SPTAN1: variants seen among roughly 807,000 people sequenced by gnomAD.
SPTAN1 encodes spectrin alpha, non-erythrocytic 1.
A neutral mutation model predicts 331.3 loss-of-function variants in SPTAN1; 61 were observed. The observed-to-expected ratio is 0.18, with a 90% confidence interval of 0.15 to 0.23. The LOEUF (loss-of-function observed/expected upper bound fraction) is 0.23, where lower values mean the gene tolerates loss of function less well. Among genes scored for constraint, SPTAN1 ranks in the 10% least tolerant of loss-of-function variants. The pLI, the probability that SPTAN1 is intolerant of heterozygous loss-of-function variation, is 1.00. For synonymous variants in SPTAN1, 1,153 were observed against 1,173.9 expected (o/e 0.98, Z 0.36); for missense variants, 2,043 against 3,147.9 (o/e 0.65, Z 8.40).
Position 128,633,333 on chromosome 9 carries a change from G to A in SPTAN1, c.7433G>A (p.Ter2478=). ...TTCACCCGCTCGCTTTTCGTGAACTGAGCCACTCCCTGGGTCACCCACCCC... is the reference window on the plus strand; with the variant it reads ...TTCACCCGCTCGCTTTTCGTGAACTAAGCCACTCCCTGGGTCACCCACCCC... ...VEFTRSLFVN[*] is the part of the protein sequence containing the mutation. The change falls in exon 57 of 57, where the codon TGA becomes TAA. Residue 2478 remains the stop codon, a stop_retained_variant. Coordinates refer to ENST00000372739, the MANE Select transcript of SPTAN1 (RefSeq NM_001130438.3). 2 of 1,613,788 alleles carry A rather than the reference G, an allele frequency of 1.2e-6. No homozygotes were observed. Among genetic ancestry groups the A allele is most frequent in the Non-Finnish European group, 1.7e-6 (2 of 1,180,024 alleles).
rs1853033407 is a variant in SPTAN1, at chr9:128,588,793, TC to T, written c.2872-14del. 6.2e-7 allele frequency: 1 copy of T among 1,613,892 alleles called. No individual in the cohort carries two copies. The highest frequency in any genetic ancestry group is 1.3e-5 in the African/African-American group (1 of 75,040). ...GACGTGTTTTTACCATGTTTGCCCTTCCTTTGGATTTTTAGCAACAAGTGGC... is the reference window on the plus strand; with the variant it reads ...GACGTGTTTTTACCATGTTTGCCCTTCTTTGGATTTTTAGCAACAAGTGGC... On this transcript the variant is annotated splice_polypyrimidine_tract_variant and intron_variant, in intron 20 of 56. Transcript: ENST00000372739.
At chr9:128,558,054 C>T (rs1030662601) in intron 1 of SPTAN1, among the ~76,000 whole-genome samples, 1 of 152,206 alleles carries the variant, frequency 6.6e-6, no homozygotes, top group Non-Finnish European at 1.5e-5. Context: ...CCATCTGCCT[C>T]AGCCTCCCAA....
intron 45 of SPTAN1, among the ~76,000 whole-genome samples, 174 bp from the exon 46 acceptor site, chr9:128,624,154 A>G (rs964320978): frequency 1.4e-4 from 21 of 150,720 alleles, no homozygotes; most frequent in African/African-American, 5.1e-4. Context: ...TATTTGTGTG[A>G]AGCCTTTGAC....
chr9:128,567,087 A>G (rs1413292596), intron 2 of SPTAN1, 110 bp downstream of exon 2: 4 of 1,473,262 alleles, frequency 2.7e-6, no homozygotes, highest in Non-Finnish European at 2.8e-6. Context: ...ATTGGACAAG[A>G]AGAATATAAT....
In SPTAN1 at chr9:128,625,025, GT is replaced by G; in HGVS notation, c.5993-77del. 6 of 1,398,924 alleles carry G rather than the reference GT, an allele frequency of 4.3e-6. No individual in the cohort carries two copies. Among genetic ancestry groups the G allele is most frequent in the Non-Finnish European group, 6.1e-6 (6 of 985,240 alleles). 86.7% of individuals were successfully genotyped at this position (1,398,924 alleles called of 1,614,324 possible). A position where few individuals can be genotyped will look rare whatever the true frequency, so the allele number is the denominator to read the frequency against. The stretch of plus-strand genomic sequence containing the variant: ...TTTATCTGTACACAAAAAATGGTTT[GT>G]CTGGGTTTTGATGTTTTTCCTTTCT... On this transcript the variant is annotated intron_variant, in intron 46 of 56. Transcript: ENST00000372739. The surrounding 1 kb of genome is among the most constrained non-coding windows in gnomAD (Gnocchi z 4.1).
rs1589187913 is a variant in SPTAN1, at chr9:128,577,014, G to A, written c.785+58G>A. The A allele has an allele frequency of 2.5e-6, 4 of 1,614,008 alleles. No individual in the cohort carries two copies. The highest frequency in any genetic ancestry group is 2.7e-5 in the African/African-American group (2 of 75,054). On this transcript the variant is annotated intron_variant, in intron 6 of 56. Transcript: ENST00000372739. This position sits in a 1 kb window ranked among gnomAD's most constrained non-coding sequence, Gnocchi z 4.2. ...TCTCAACCTGGAGGGGAGTTGTGAA[G>A]CACAGGGCATGTGCTGGTGAGCTGT...
At chr9:128,553,605 T>C (rs908043679) in intron 1 of SPTAN1, among the ~76,000 whole-genome samples, 21 of 152,246 alleles carry the variant, frequency 1.4e-4, no homozygotes, top group African/African-American at 4.8e-4. Flanking sequence ...GAGTAAAATA[T>C]ATTTTAAATA....
rs1851527821 is a variant in SPTAN1 at position 128,578,227 on chromosome 9, T to C, written c.1203T>C (p.Asp401=). The change falls in exon 9 of 57, where the codon GAT becomes GAC. Residue 401 remains aspartate (D), a synonymous_variant. Coordinates refer to ENST00000372739, the MANE Select transcript of SPTAN1 (RefSeq NM_001130438.3). ...TGGCTGGGGCTGAAGCCCTGCTAGA[T>C]AGACACCAAGAGCACAAGGTAATGG... ...SDVAGAEALL[D]RHQEHKGEID... 6.2e-7 allele frequency: 1 copy of C among 1,614,026 alleles called. No homozygotes were observed. The highest frequency in any genetic ancestry group is 8.5e-7 in the Non-Finnish European group (1 of 1,180,022).
chr9:128,576,350 CAT>C (rs1350775923), intron 5 of SPTAN1, among the ~76,000 whole-genome samples: 2 of 152,200 alleles, frequency 1.3e-5, no homozygotes, highest in East Asian at 3.9e-4. Context: ...GCCTGGGTAA[CAT>C]AGCAAGACCC....
intron 23 of SPTAN1, chr9:128,593,962 G>A: frequency 1.7e-6 from 1 of 593,490 alleles, no homozygotes; most frequent in Non-Finnish European, 3.1e-6. Context: ...CCACCTGGTT[G>A]TGAACAGTAC....
At chr9:128,572,888 T>TCAGTGGTGGGGTCACAGTTTTGCCAA (rs1850896493) in intron 3 of SPTAN1, among the ~76,000 whole-genome samples, 1 of 152,168 alleles carries the variant, frequency 6.6e-6, no homozygotes, top group Admixed American at 6.5e-5. Context: ...CACTTCTTTC[T>TCAGTGGTGGGGTCACAGTTTTGCCAA]CAGTGGTGGG....
chr9:128,566,222 A>AT (rs1850018944), intron 1 of SPTAN1, among the ~76,000 whole-genome samples: 1 of 151,884 alleles, frequency 6.6e-6, no homozygotes, highest in Non-Finnish European at 1.5e-5. Flanking sequence ...ATGCCCAGCT[A>AT]TTTTTTTGTA....
chr9:128,576,651 A>C (rs906591756), intron 5 of SPTAN1, among the ~76,000 whole-genome samples, 172 bp from the exon 6 acceptor site: 1 of 152,212 alleles, frequency 6.6e-6, no homozygotes, highest in African/African-American at 2.4e-5. Flanking sequence ...TTACATAAGA[A>C]ATAGAAACTC....
At chr9:128,621,532 A>G (rs189996830) in intron 45 of SPTAN1, 16 of 541,086 alleles carry the variant, frequency 3.0e-5, no homozygotes, top group Admixed American at 1.8e-4. Flanking sequence ...CTCAAGCAAT[A>G]CAGTCTCTTT....
At chr9:128,573,252 A>G (rs1033088517) in intron 3 of SPTAN1, among the ~76,000 whole-genome samples, 2 of 152,214 alleles carry the variant, frequency 1.3e-5, no homozygotes, top group Non-Finnish European at 2.9e-5. Flanking sequence ...CCAATTCTTG[A>G]TAAGTCCTTA....
At chr9:128,555,404 TTGACGAGCA>T (rs1589105014) in intron 1 of SPTAN1, 1 of 1,289,508 alleles carries the variant, frequency 7.8e-7, no homozygotes, top group East Asian at 5.6e-5. Context: ...GTCCAGGTAT[TTGACGAGCA>T]TGCAGAAAAC....
At chr9:128,594,766 A>T (rs1854007997) in intron 24 of SPTAN1, among the ~76,000 whole-genome samples, 1 of 145,198 alleles carries the variant, frequency 6.9e-6, no homozygotes, top group Non-Finnish European at 1.5e-5. Context: ...AATTACTGGA[A>T]TGCAAATTAC....
intron 5 of SPTAN1, 45 bp downstream of exon 5, chr9:128,575,390 A>C: frequency 6.3e-7 from 1 of 1,598,174 alleles, no homozygotes; most frequent in Non-Finnish European, 8.5e-7. Context: ...TTATTATGTT[A>C]ACTTTTTAGT....
At chr9:128,619,276 T>G (rs1857558294) in intron 44 of SPTAN1, among the ~76,000 whole-genome samples, 1 of 152,188 alleles carries the variant, frequency 6.6e-6, no homozygotes, top group African/African-American at 2.4e-5. Flanking sequence ...TCATATCAGT[T>G]TCCTGGGGCT....
Sources: allele counts gnomAD v4.1 joint callset (sites outside exome capture counted in the v4.1 genomes callset), GRCh38; gene constraint gnomAD v4.1.1; non-coding constraint Gnocchi (gnomAD v3.1); transcripts MANE v1.5; gene names NCBI Gene and HGNC (gene_info 2026-07-23, HGNC 2026-07-21).